The following SMYD3 variants were observed in gnomAD, a reference collection of about 807,000 sequenced individuals.
SMYD3 encodes the protein SET and MYND domain containing 3.
In SMYD3, 36 loss-of-function variants were observed where a neutral mutation model predicts 57.7. The observed-to-expected ratio is 0.62, with a 90% CI of 0.48 to 0.82. SMYD3 has a LOEUF of 0.82. SMYD3 is among the 40% of genes least tolerant of loss of function. The pLI is 0.00. For missense variants in SMYD3, 515 were observed against 538.8 expected (o/e 0.96, Z 0.44); for synonymous variants, 211 against 195.0 (o/e 1.08, Z -0.68).
rs1354358246 is a variant in SMYD3, at chr1:246,222,290, T to C, written c.531+104911A>G. Among the ~76,000 whole-genome samples the C allele has an allele frequency of 2.6e-5, 4 of 152,168 alleles. No individual in the cohort carries two copies. In the East Asian group the frequency reaches 5.8e-4, roughly 22 times the overall value. On this transcript the variant is annotated intron_variant, in intron 5 of 11. Coordinates refer to ENST00000490107, the MANE Select transcript of SMYD3 (RefSeq NM_001167740.2). ...TGTGTTCACATTCATCTGATTATCA[T>C]AGCTCTAAGAAATAGATATTACAGG...
chr1:246,429,726 C>A (rs1191707424), intron 1 of SMYD3, among the ~76,000 whole-genome samples: 1 of 152,216 alleles, frequency 6.6e-6, no homozygotes, highest in African/African-American at 2.4e-5. Flanking sequence ...ATATGCCAGG[C>A]ACAGTGTCTG....
intron 1 of SMYD3, among the ~76,000 whole-genome samples, chr1:246,365,978 T>G (rs1165392513): frequency 3.3e-5 from 5 of 152,144 alleles, no homozygotes. Flanking sequence ...CACTTCCCTC[T>G]CTCTTGTCTA....
At chr1:245,762,172 T>C (rs971815997) in intron 11 of SMYD3, among the ~76,000 whole-genome samples, 1 of 152,196 alleles carries the variant, frequency 6.6e-6, no homozygotes, top group African/African-American at 2.4e-5. Context: ...TGTGCGACTT[T>C]AGGTGAGCTC....
At chr1:245,885,117 C>G (rs2148562915) in intron 8 of SMYD3, among the ~76,000 whole-genome samples, 1 of 152,292 alleles carries the variant, frequency 6.6e-6, no homozygotes, top group East Asian at 1.9e-4. Context: ...CCTTTAAGAG[C>G]TGTAACATTC....
intron 8 of SMYD3, among the ~76,000 whole-genome samples, chr1:245,881,222 C>A (rs1489464272): frequency 6.6e-6 from 1 of 152,138 alleles, no homozygotes; most frequent in Non-Finnish European, 1.5e-5. Flanking sequence ...GGAATGTGTG[C>A]ATTCTTGGAG....
chr1:245,863,900 A>G lies in SMYD3; in HGVS notation c.814-14T>C, dbSNP rs763294208. 4.3e-6 allele frequency: 7 copies of G among 1,612,816 alleles called. No individual in the cohort carries two copies. In the East Asian group the frequency reaches 1.6e-4, roughly 36 times the overall value. ...CATATCAGCATCCTGCTCAGGCCAG[A>G]AAAGGAAGACAAATAATCTAATTAG... On this transcript the variant is annotated splice_polypyrimidine_tract_variant and intron_variant, in intron 8 of 11. Coordinates refer to ENST00000490107, the MANE Select transcript of SMYD3 (RefSeq NM_001167740.2).
At position 246,500,660 on chromosome 1, in the gene SMYD3, G is replaced by A. The variant is rs557300317; in HGVS notation, c.164+6394C>T. Among the ~76,000 whole-genome samples the A allele has an allele frequency of 4.4e-4, 67 of 152,244 alleles. 1 individual carries two copies. In the South Asian group the frequency reaches 0.013, roughly 30 times the overall value. On this transcript the variant is annotated intron_variant, in intron 1 of 11. Coordinates refer to ENST00000490107, the MANE Select transcript of SMYD3 (RefSeq NM_001167740.2). ...AGAAGCCACATGGCTATCATGAGGG[G>A]AAGTCTGTATTGTTGAGTTCCAGGC...
At chr1:245,805,603 C>A (rs1051399247) in intron 10 of SMYD3, among the ~76,000 whole-genome samples, 22 of 152,160 alleles carry the variant, frequency 1.4e-4, no homozygotes, top group African/African-American at 5.3e-4. Flanking sequence ...TAATTTACTG[C>A]CAAAATTTGT....
At chr1:246,467,940 C>T (rs977818576) in intron 1 of SMYD3, among the ~76,000 whole-genome samples, 1 of 152,154 alleles carries the variant, frequency 6.6e-6, no homozygotes, top group African/African-American at 2.4e-5. Flanking sequence ...GTGGGCAGAT[C>T]GCTTGAGCCC....
chr1:246,269,181 C>A (rs191720702), intron 5 of SMYD3, among the ~76,000 whole-genome samples: 30 of 152,278 alleles, frequency 2.0e-4, no homozygotes, highest in African/African-American at 7.2e-4. Context: ...CTCCCAGTTT[C>A]CTTTGTTTTC....
intron 10 of SMYD3, among the ~76,000 whole-genome samples, chr1:245,764,613 CT>C (rs1229308050): frequency 2.0e-5 from 3 of 152,010 alleles, no homozygotes; most frequent in Admixed American, 6.6e-5. Context: ...CCACACCCCC[CT>C]TTTAACCGCA....
At chr1:246,193,328 G>A (rs1219158207) in intron 5 of SMYD3, among the ~76,000 whole-genome samples, 1 of 152,190 alleles carries the variant, frequency 6.6e-6, no homozygotes, top group Non-Finnish European at 1.5e-5. Flanking sequence ...CATAGAAATA[G>A]AAATAGTTCG....
At chr1:245,770,704 G>A (rs530543387) in intron 10 of SMYD3, among the ~76,000 whole-genome samples, 3 of 152,166 alleles carry the variant, frequency 2.0e-5, no homozygotes, top group East Asian at 3.8e-4. Context: ...TACTGAAATG[G>A]TAAGGTTCTC....
At chr1:246,429,141 G>A (rs2067263311) in intron 1 of SMYD3, among the ~76,000 whole-genome samples, 1 of 150,980 alleles carries the variant, frequency 6.6e-6, no homozygotes, top group Admixed American at 6.6e-5. Context: ...CCCACCACAG[G>A]TACAGTAATA....
chr1:246,205,629 G>A (rs1166723705), intron 5 of SMYD3, among the ~76,000 whole-genome samples: 1 of 151,710 alleles, frequency 6.6e-6, no homozygotes, highest in Non-Finnish European at 1.5e-5. Context: ...AGACCAGTCT[G>A]GCCAATATGG....
intron 1 of SMYD3, among the ~76,000 whole-genome samples, chr1:246,444,359 T>G (rs546530923): frequency 6.6e-5 from 10 of 152,012 alleles, no homozygotes; most frequent in African/African-American, 1.9e-4. Flanking sequence ...CTCCTGACCT[T>G]GTGATCCACC....
intron 5 of SMYD3, among the ~76,000 whole-genome samples, chr1:246,076,971 T>C (rs1260583325): frequency 6.6e-6 from 1 of 152,160 alleles, no homozygotes; most frequent in Non-Finnish European, 1.5e-5. Context: ...AGACAATCTT[T>C]TCAGTTGGAG....
At chr1:245,821,944 TG>T (rs1418578381) in intron 10 of SMYD3, among the ~76,000 whole-genome samples, 21 of 151,860 alleles carry the variant, frequency 1.4e-4, no homozygotes, top group African/African-American at 4.8e-4. Context: ...TTTACACTGT[TG>T]GTGGGACTGT....
intron 5 of SMYD3, among the ~76,000 whole-genome samples, chr1:246,173,073 A>G (rs1245779544): frequency 2.0e-5 from 3 of 150,344 alleles, no homozygotes; most frequent in African/African-American, 7.4e-5. Flanking sequence ...ACAGGCCTAG[A>G]ACACTCACTG....
Sources: gnomAD v4.1 joint callset for allele counts (sites outside exome capture counted in the v4.1 genomes callset) on GRCh38, gnomAD v4.1.1 for gene constraint, MANE v1.5 for transcripts, NCBI Gene and HGNC (gene_info 2026-07-23, HGNC 2026-07-21) for gene names.